SREBF2: variants seen among roughly 807,000 people sequenced by gnomAD.
SREBF2 encodes sterol regulatory element binding transcription factor 2.
Under a neutral mutation model 113.1 loss-of-function variants are expected in SREBF2, and 55 were observed. The observed-to-expected ratio is 0.49, with a 90% confidence interval of 0.39 to 0.61. The LOEUF (loss-of-function observed/expected upper bound fraction) is 0.61, where lower values mean the gene tolerates loss of function less well. SREBF2 is among the 20% of genes least tolerant of loss of function. The probability of loss-of-function intolerance (pLI) is 0.00; values close to 1 mark genes in which losing one functional copy is unlikely to be tolerated. For missense variants in SREBF2, 1,349 were observed against 1,487.4 expected (o/e 0.91, Z 1.53); for synonymous variants, 593 against 605.7 (o/e 0.98, Z 0.31).
chr22:41,847,424 G>A (rs944196264), intron 1 of SREBF2, among the ~76,000 whole-genome samples: 11 of 152,186 alleles, frequency 7.2e-5, no homozygotes, highest in African/African-American at 1.2e-4. Context: ...ATGATGCCAG[G>A]GCAGCAGCAG....
chr22:41,859,327 A>G (rs1018587503), intron 1 of SREBF2, among the ~76,000 whole-genome samples: 6 of 152,154 alleles, frequency 3.9e-5, no homozygotes, highest in South Asian at 2.1e-4. Context: ...CTGAAGTCCA[A>G]TGGAAAGTTC....
chr22:41,871,872 C>A (rs935788429), intron 4 of SREBF2, among the ~76,000 whole-genome samples: 2 of 144,574 alleles, frequency 1.4e-5, no homozygotes, highest in Non-Finnish European at 3.0e-5. Context: ...GCACTCCAGC[C>A]TGGATGACAG....
chr22:41,897,681 G>C (rs1429454722), intron 14 of SREBF2, among the ~76,000 whole-genome samples: 2 of 152,224 alleles, frequency 1.3e-5, no homozygotes, highest in African/African-American at 4.8e-5. Context: ...TAGCACATCA[G>C]CTGCCAACTC....
intron 5 of SREBF2, 24 bp downstream of exon 5, chr22:41,874,043 T>C (rs2077170271): frequency 2.5e-6 from 4 of 1,613,442 alleles, no homozygotes; most frequent in African/African-American, 1.3e-5. Flanking sequence ...AAAATTGTGT[T>C]TTATGTTCCA....
intron 10 of SREBF2, among the ~76,000 whole-genome samples, chr22:41,881,510 G>T (rs1157470316): frequency 6.6e-6 from 1 of 152,186 alleles, no homozygotes; most frequent in Non-Finnish European, 1.5e-5. Context: ...GTAGAGTCTT[G>T]GCTTTGCATG....
chr22:41,872,677 G>A lies in SREBF2; in HGVS notation c.868-1121G>A, dbSNP rs191041238. Reference sequence around the variant, plus strand: ...AGGCTGAGGTGGGCAGATCACCTGAGGTCAGTAGTTTGAGATCAGCCTGGC... The same window carrying A: ...AGGCTGAGGTGGGCAGATCACCTGAAGTCAGTAGTTTGAGATCAGCCTGGC... On this transcript the variant is annotated intron_variant, in intron 4 of 18. Coordinates refer to ENST00000361204, the MANE Select transcript of SREBF2 (RefSeq NM_004599.4). 2.4e-4 allele frequency among the ~76,000 whole-genome samples: 37 copies of A among 152,148 alleles called. No homozygotes were observed. In the East Asian group the frequency reaches 7.0e-3, roughly 29 times the overall value.
At chr22:41,896,963 C>G (rs1602344961) in intron 13 of SREBF2, 89 bp from the exon 14 acceptor site, 1 of 908,332 alleles carries the variant, frequency 1.1e-6, no homozygotes, top group East Asian at 2.6e-5. Context: ...GCCATTGGGT[C>G]TTAGAGCTGG....
intron 1 of SREBF2, among the ~76,000 whole-genome samples, chr22:41,836,120 C>T (rs751334082): frequency 8.5e-5 from 13 of 152,188 alleles, no homozygotes; most frequent in Middle Eastern, 3.2e-3. Context: ...TGGTTTATAA[C>T]AGTGCATAAG....
chr22:41,896,715 G>A (rs2077419554), intron 13 of SREBF2, among the ~76,000 whole-genome samples: 1 of 152,196 alleles, frequency 6.6e-6, no homozygotes. Context: ...TGAGGAGAGG[G>A]GGAGGGGGCA....
At chr22:41,892,738 A>T (rs2077376487) in intron 11 of SREBF2, among the ~76,000 whole-genome samples, 1 of 151,840 alleles carries the variant, frequency 6.6e-6, no homozygotes, top group South Asian at 2.1e-4. Context: ...AGGGGAAAGT[A>T]CAGCAGCCAG....
intron 17 of SREBF2, 144 bp downstream of exon 17, chr22:41,903,299 T>G: frequency 1.0e-6 from 1 of 986,808 alleles, no homozygotes; most frequent in South Asian, 1.4e-5. Context: ...GCTTGGCTCG[T>G]GCCCAACACT....
At position 41,871,002 on chromosome 22, in the gene SREBF2, C is replaced by A; in HGVS notation, c.834C>A (p.Thr278=). Residue 278 remains threonine, a synonymous_variant, in exon 4 of 19, where the codon ACC becomes ACA. Coordinates refer to ENST00000361204, the MANE Select transcript of SREBF2 (RefSeq NM_004599.4). ...AGAACCCGGCCCTCACCGCCCTCACCACCCCTATCCAGACGGCTGCCCTTC... is the reference window on the plus strand; with the variant it reads ...AGAACCCGGCCCTCACCGCCCTCACAACCCCTATCCAGACGGCTGCCCTTC... The part of the protein sequence containing the change: ...AVQNPALTAL[T]TPIQTAALQV... The A allele has an allele frequency of 6.2e-7, 1 of 1,614,140 alleles. No individual in the cohort carries two copies. The highest frequency in any genetic ancestry group is 8.5e-7 in the Non-Finnish European group (1 of 1,180,020).
chr22:41,903,069 G>A lies in SREBF2; in HGVS notation c.3007G>A (p.Ala1003Thr), dbSNP rs1268642459. 16 of 1,598,636 alleles carry A rather than the reference G, an allele frequency of 1.0e-5. No homozygotes were observed. The highest frequency in any genetic ancestry group is 2.3e-5 in the East Asian group (1 of 44,114). ...CCAGGCTGTGGGGGAGACCTACCACGCGTCAGGCGCTGAACTGGCGGGCTT... is the reference window on the plus strand; with the variant it reads ...CCAGGCTGTGGGGGAGACCTACCACACGTCAGGCGCTGAACTGGCGGGCTT... ...ASQAVGETYH[A>T]SGAELAGFQR... Residue 1003 changes from alanine (A) to threonine (T), a missense_variant, in exon 17 of 19, where the codon GCG (alanine) becomes ACG (threonine). Transcript: ENST00000361204.
At position 41,868,507 on chromosome 22, in the gene SREBF2, G is replaced by A. The variant is rs2077108213; in HGVS notation, c.539-104G>A. On this transcript the variant is annotated intron_variant, in intron 2 of 18. Transcript: ENST00000361204. ...CACATCATCTTCAGCAGTAGGTGGG[G>A]AGTTGGAATCATTATGAGATACTCC... 17 of 1,295,610 alleles carry A rather than the reference G, an allele frequency of 1.3e-5. No homozygotes were observed. The South Asian group carries it at 1.8e-4, about 14-fold the overall frequency. 80.3% of individuals were successfully genotyped at this position (1,295,610 alleles called of 1,614,324 possible). A position where few individuals can be genotyped will look rare whatever the true frequency, so the allele number is the denominator to read the frequency against.
At chr22:41,890,723 G>A (rs1368399323) in intron 11 of SREBF2, among the ~76,000 whole-genome samples, 1 of 150,984 alleles carries the variant, frequency 6.6e-6, no homozygotes, top group Non-Finnish European at 1.5e-5. Flanking sequence ...GCGTGGCCAA[G>A]ATGGTGAAAC....
intron 1 of SREBF2, among the ~76,000 whole-genome samples, chr22:41,862,805 A>G (rs1340060188): frequency 1.3e-5 from 2 of 151,278 alleles, no homozygotes; most frequent in East Asian, 1.9e-4. Context: ...GTTCATCTTA[A>G]CAGCCCCTCT....
At chr22:41,856,482 A>G (rs2076978963) in intron 1 of SREBF2, among the ~76,000 whole-genome samples, 1 of 152,214 alleles carries the variant, frequency 6.6e-6, no homozygotes, top group Non-Finnish European at 1.5e-5. Context: ...CTAAAAGATG[A>G]CTAGATCATC....
rs377730162 is a variant in SREBF2 at position 41,868,752 on chromosome 22, C to T, written c.680C>T (p.Thr227Met). ...ACGCTGCAGACCCTTGCCCCGGCTA[C>T]GGTGCAGACAGTTGCTGCGCCACAG... ...NGTLQTLAPA[T>M]VQTVAAPQVQ... Residue 227 changes from threonine to methionine, a missense_variant, in exon 3 of 19, where the codon ACG becomes ATG. Around this residue, in one of 2 missense-constraint regions of SREBF2, gnomAD observed 699 missense variants for 843.3 expected, o/e 0.83. Transcript: ENST00000361204. The T allele has an allele frequency of 3.7e-6, 6 of 1,613,882 alleles. No individual in the cohort carries two copies. The highest frequency in any genetic ancestry group is 4.5e-5 in the East Asian group (2 of 44,870).
rs2077185690 is a variant in SREBF2, at chr22:41,875,374, A to C, written c.1127A>C (p.Tyr376Ser). ...KSGVLRKAID[Y>S]IKYLQQVNHK... ...GGCGTTCTGAGGAAGGCCATTGATT[A>C]CATCAAATACTTGCAGCAGGTCAAT... The change falls in exon 6 of 19, where the codon TAC (tyrosine) becomes TCC (serine). Residue 376 changes from tyrosine (Y) to serine (S), a missense_variant. Around this residue, in one of 2 missense-constraint regions of SREBF2, gnomAD observed 699 missense variants for 843.3 expected, o/e 0.83. Transcript: ENST00000361204. 4 of 1,614,144 alleles carry C rather than the reference A, an allele frequency of 2.5e-6. No individual in the cohort carries two copies. The highest frequency in any genetic ancestry group is 2.5e-6 in the Non-Finnish European group (3 of 1,179,970).
Sources: allele counts gnomAD v4.1 joint callset (sites outside exome capture counted in the v4.1 genomes callset), GRCh38; gene constraint gnomAD v4.1.1; regional missense constraint gnomAD v4.1.1; transcripts MANE v1.5; gene names NCBI Gene and HGNC (gene_info 2026-07-23, HGNC 2026-07-21).